Variants in PCDH15 observed in about 807,000 individuals in gnomAD.
The protein encoded by PCDH15 is protocadherin-15.
A neutral mutation model predicts 178.5 loss-of-function variants in PCDH15; 129 were observed. The ratio of observed to expected loss-of-function variants is 0.72; its 90% confidence interval spans 0.63 to 0.84. PCDH15 has a LOEUF of 0.84. Ranked by LOEUF, PCDH15 falls within the 40% of genes least tolerant of loss-of-function variation. The probability of loss-of-function intolerance (pLI) is 0.00; values close to 1 mark genes in which losing one functional copy is unlikely to be tolerated. For synonymous variants in PCDH15, 800 were observed against 732.0 expected (o/e 1.09, Z -1.50); for missense variants, 2,230 against 2,099.9 (o/e 1.06, Z -1.21).
intron 2 of PCDH15, among the ~76,000 whole-genome samples, chr10:55,056,618 T>C (rs1238353462): frequency 2.6e-5 from 3 of 117,452 alleles, no homozygotes; most frequent in African/African-American, 1.1e-4. Context: ...GTTTTATTAT[T>C]ATTATTATTA....
At chr10:55,036,329 A>C (rs966327835) in intron 2 of PCDH15, among the ~76,000 whole-genome samples, 14 of 152,196 alleles carry the variant, frequency 9.2e-5, no homozygotes, top group African/African-American at 3.1e-4. Flanking sequence ...AGCACAAAAC[A>C]CACTGAAATA....
chr10:55,088,955 T>C (rs956174408), intron 2 of PCDH15, among the ~76,000 whole-genome samples: 1 of 152,104 alleles, frequency 6.6e-6, no homozygotes, highest in African/African-American at 2.4e-5. Context: ...GCCCAAAGCA[T>C]TTCTTTAACT....
chr10:54,099,498 C>CAAAAAAAAAAAAAAA (rs755057091), intron 15 of PCDH15, among the ~76,000 whole-genome samples: 2 of 49,994 alleles, frequency 4.0e-5, no homozygotes, highest in African/African-American at 1.2e-4. Flanking sequence ...GACTCCATCT[C>CAAAAAAAAAAAAAAA]AAAAAAAAAA....
intron 3 of PCDH15, among the ~76,000 whole-genome samples, chr10:54,507,076 TAA>T (rs532468998): frequency 6.6e-6 from 1 of 151,906 alleles, no homozygotes; most frequent in African/African-American, 2.4e-5. Context: ...ACATGGCTAA[TAA>T]ACTATTGCTT....
At chr10:54,807,689 T>C (rs1952800554) in intron 3 of PCDH15, among the ~76,000 whole-genome samples, 1 of 148,098 alleles carries the variant, frequency 6.8e-6, no homozygotes, top group Non-Finnish European at 1.5e-5. Flanking sequence ...TATATATATT[T>C]ATAAGTATAT....
chr10:55,253,472 A>T (rs1841900671), intron 1 of PCDH15, among the ~76,000 whole-genome samples: 1 of 152,006 alleles, frequency 6.6e-6, no homozygotes, highest in Admixed American at 6.6e-5. Flanking sequence ...ATTTGTATTG[A>T]ATTACTAATT....
chr10:53,984,819 G>T (rs1435084574), intron 21 of PCDH15, among the ~76,000 whole-genome samples: 5 of 151,984 alleles, frequency 3.3e-5, no homozygotes, highest in Non-Finnish European at 7.4e-5. Flanking sequence ...GACCATTTAT[G>T]GTACATTGTA....
At chr10:54,946,854 C>G (rs1282056882) in intron 2 of PCDH15, among the ~76,000 whole-genome samples, 6 of 151,756 alleles carry the variant, frequency 4.0e-5, no homozygotes, top group African/African-American at 1.5e-4. Context: ...CTAATAAAAT[C>G]AGAGGTAAAT....
At chr10:54,452,300 TTATATA>T (rs1003666114) in intron 3 of PCDH15, 1 of 151,804 alleles carries the variant, frequency 6.6e-6, no homozygotes, top group Admixed American at 6.6e-5. Context: ...AATTTTGAGG[TTATATA>T]TATATAATTT....
chr10:54,101,059 G>C (rs2094802875), intron 15 of PCDH15, among the ~76,000 whole-genome samples: 1 of 152,140 alleles, frequency 6.6e-6, no homozygotes, highest in African/African-American at 2.4e-5. Context: ...TGTTGTGGGA[G>C]AGACCTGGTA....
At chr10:54,312,242 A>G (rs917348620) in intron 8 of PCDH15, among the ~76,000 whole-genome samples, 2 of 152,152 alleles carry the variant, frequency 1.3e-5, no homozygotes, top group African/African-American at 4.8e-5. Flanking sequence ...TAAACACAGT[A>G]ATTTGAATGT....
intron 3 of PCDH15, among the ~76,000 whole-genome samples, chr10:54,493,068 C>T (rs2079755929): frequency 6.6e-6 from 1 of 152,140 alleles, no homozygotes; most frequent in South Asian, 2.1e-4. Context: ...ACTAGAACAG[C>T]ACCAGAAAGA....
At chr10:55,527,625 C>T (rs1889474) in intron 2 of PCDH15, among the ~76,000 whole-genome samples, 59,256 of 151,476 alleles carry the variant, frequency 0.39, 12,284 homozygotes, top group East Asian at 0.8. Context: ...TATGAATATA[C>T]ATGAATTTTG....
chr10:54,508,698 T>G (rs1040836601), intron 3 of PCDH15, among the ~76,000 whole-genome samples: 1 of 151,952 alleles, frequency 6.6e-6, no homozygotes, highest in Non-Finnish European at 1.5e-5. Context: ...ACATAAAGAG[T>G]GTTTGAAGCA....
At chr10:55,400,938 G>A (rs186603158) in intron 2 of PCDH15, among the ~76,000 whole-genome samples, 9 of 152,072 alleles carry the variant, frequency 5.9e-5, no homozygotes, top group African/African-American at 1.9e-4. Flanking sequence ...GGGTGGCGTG[G>A]GAGATAAGAT....
At chr10:55,596,468 G>A (rs1190612803) in intron 2 of PCDH15, among the ~76,000 whole-genome samples, 1 of 151,908 alleles carries the variant, frequency 6.6e-6, no homozygotes, top group African/African-American at 2.4e-5. Context: ...TGTAATACAG[G>A]GAAAGTCACT....
At chr10:54,897,486 T>C (rs936256995) in exon 3 of PCDH15, 3 of 152,178 alleles carry the variant, frequency 2.0e-5, no homozygotes, top group Non-Finnish European at 2.9e-5. Flanking sequence ...TTTCGAAACA[T>C]GACAATGCAA....
In PCDH15 at chr10:54,105,275, G is replaced by GATAT. The variant is rs1491261944; in HGVS notation, c.1918-15213_1918-15212insATAT. On this transcript the variant is annotated intron_variant, in intron 15 of 37. Transcript: ENST00000644397. ...AGATATAGATATAGACATATAGATG[G>GATAT]AGATATATATATATATATATATATA... Among the ~76,000 whole-genome samples, 11 of 47,832 alleles carry GATAT rather than the reference G, an allele frequency of 2.3e-4. 1 individual carries two copies. The East Asian group carries it at 6.6e-3, about 29-fold the overall frequency. 31.4% of individuals were successfully genotyped at this position (47,832 alleles called of 152,430 possible). A position where few individuals can be genotyped will look rare whatever the true frequency, so the allele number is the denominator to read the frequency against.
chr10:54,780,023 A>T (rs548963592), intron 1 of PCDH15, among the ~76,000 whole-genome samples: 25 of 152,292 alleles, frequency 1.6e-4, no homozygotes, highest in African/African-American at 5.5e-4. Context: ...GCAGTGGTAA[A>T]TTCTACATTG....
Sources: allele counts gnomAD v4.1 joint callset (sites outside exome capture counted in the v4.1 genomes callset), GRCh38; gene constraint gnomAD v4.1.1; transcripts MANE v1.5; gene names NCBI Gene and HGNC (gene_info 2026-07-23, HGNC 2026-07-21).